PEAK1: variants seen among roughly 807,000 people sequenced by gnomAD.
PEAK1 encodes inactive tyrosine-protein kinase PEAK1.
Under a neutral mutation model 124.7 loss-of-function variants are expected in PEAK1, and 54 were observed. That is an observed-to-expected ratio of 0.43 (90% CI 0.35 to 0.54). PEAK1 has a LOEUF of 0.54. PEAK1 is among the 20% of genes least tolerant of loss of function. The pLI is 0.01. For synonymous variants in PEAK1, 719 were observed against 760.0 expected, an observed-to-expected ratio of 0.95 and a Z score of 0.89; for missense variants, 2,046 against 2,134.5, an observed-to-expected ratio of 0.96 and a Z score of 0.82.
At chr15:77,369,234 A>G (rs1193623661) in intron 1 of PEAK1, among the ~76,000 whole-genome samples, 1 of 152,216 alleles carries the variant, frequency 6.6e-6, no homozygotes, top group African/African-American at 2.4e-5. Context: ...AGATGGATAG[A>G]CTCAGACACC....
At chr15:77,202,946 A>T (rs35598964) in intron 6 of PEAK1, among the ~76,000 whole-genome samples, 6 of 150,466 alleles carry the variant, frequency 4.0e-5, no homozygotes, top group Admixed American at 4.0e-4. Flanking sequence ...CTGAGGTGGG[A>T]GGATGGCTTA....
intron 6 of PEAK1, among the ~76,000 whole-genome samples, chr15:77,236,875 G>A (rs2060149179): frequency 1.3e-5 from 2 of 152,022 alleles, no homozygotes; most frequent in African/African-American, 4.8e-5. Flanking sequence ...TTTATAAGGG[G>A]GTCTTCTCCT....
At chr15:77,383,755 G>A (rs993871703) in intron 1 of PEAK1, among the ~76,000 whole-genome samples, 3 of 152,194 alleles carry the variant, frequency 2.0e-5, no homozygotes, top group African/African-American at 7.2e-5. Context: ...AAATACTCAT[G>A]TGGGTCTTGC....
At chr15:77,391,616 A>G (rs1296123732) in intron 1 of PEAK1, among the ~76,000 whole-genome samples, 3 of 152,138 alleles carry the variant, frequency 2.0e-5, no homozygotes, top group Non-Finnish European at 4.4e-5. Flanking sequence ...TCAGGCTAAG[A>G]TAACAGTACC....
chr15:77,355,140 A>G (rs2067440880), intron 2 of PEAK1, among the ~76,000 whole-genome samples: 1 of 152,184 alleles, frequency 6.6e-6, no homozygotes. Flanking sequence ...CACACTACCT[A>G]GAAAGAAAGA....
intron 6 of PEAK1, among the ~76,000 whole-genome samples, chr15:77,242,578 A>G (rs995696782): frequency 1.3e-5 from 2 of 152,188 alleles, no homozygotes; most frequent in African/African-American, 4.8e-5. Context: ...ATGAAAGGAT[A>G]AAGTATTAGA....
In PEAK1 at chr15:77,141,899, G is replaced by A. The variant is rs575468127; in HGVS notation, c.3332-8149C>T. 2.0e-4 allele frequency among the ~76,000 whole-genome samples: 30 copies of A among 152,058 alleles called. No homozygotes were observed. In the South Asian group the frequency reaches 5.0e-3, roughly 25 times the overall value. ...AAAACTAAAAACTCTTAGAAAAAAC[G>A]TAGGAATAAATCTTTGCAACCTTGG... On this transcript the variant is annotated intron_variant, in intron 8 of 9. Coordinates refer to ENST00000682557, the MANE Select transcript of PEAK1 (RefSeq NM_001385026.1).
At position 77,303,124 on chromosome 15, in the gene PEAK1, C is replaced by T. The variant is rs932639734; in HGVS notation, c.-602-16620G>A. On this transcript the variant is annotated intron_variant, in intron 2 of 9. Coordinates refer to ENST00000682557, the MANE Select transcript of PEAK1 (RefSeq NM_001385026.1). ...CTCTTTTTAGTACTGATTAATATTT[C>T]GCTATATGAATGTACCACAGTTTAT... 5.3e-5 allele frequency among the ~76,000 whole-genome samples: 8 copies of T among 152,242 alleles called. No individual in the cohort carries two copies. The South Asian group carries it at 6.2e-4, about 12-fold the overall frequency.
At chr15:77,156,451 G>A (rs995599568) in intron 8 of PEAK1, 7 of 153,640 alleles carry the variant, frequency 4.6e-5, no homozygotes, top group African/African-American at 7.2e-5. Context: ...TGCGCTTCCC[G>A]AGTGAGGTAG....
chr15:77,332,852 T>C (rs2141255107), intron 2 of PEAK1, among the ~76,000 whole-genome samples: 1 of 145,514 alleles, frequency 6.9e-6, no homozygotes, highest in East Asian at 1.9e-4. Flanking sequence ...GGCACTTCAT[T>C]TTTTTTAATG....
At chr15:77,263,305 T>C (rs2061539371) in intron 5 of PEAK1, among the ~76,000 whole-genome samples, 1 of 152,028 alleles carries the variant, frequency 6.6e-6, no homozygotes, top group African/African-American at 2.4e-5. Flanking sequence ...AAAAAATCAA[T>C]GAATCCAGGA....
intron 6 of PEAK1, among the ~76,000 whole-genome samples, chr15:77,242,896 C>T (rs570604705): frequency 1.6e-4 from 24 of 152,248 alleles, no homozygotes; most frequent in Admixed American, 8.5e-4. Flanking sequence ...AGAAACACTG[C>T]CTATTGTGCC....
chr15:77,336,369 G>A (rs898308284), intron 2 of PEAK1: 7 of 985,284 alleles, frequency 7.1e-6, no homozygotes, highest in African/African-American at 7.0e-5. Context: ...TTATAGAGAC[G>A]TTTACTAGGA....
intron 9 of PEAK1, 128 bp downstream of exon 9, chr15:77,132,877 A>G: frequency 1.2e-6 from 1 of 855,956 alleles, no homozygotes; most frequent in Non-Finnish European, 1.8e-6. Flanking sequence ...AGTATCTGGT[A>G]AGAGGTAGAT....
intron 1 of PEAK1, among the ~76,000 whole-genome samples, chr15:77,371,915 A>G (rs1442659299): frequency 6.6e-6 from 1 of 152,210 alleles, no homozygotes. Context: ...AACAAAACAG[A>G]AAACAGTCAC....
rs1050811854 is a variant in PEAK1 at position 77,395,042 on chromosome 15, G to T, written c.-666+24964C>A. On this transcript the variant is annotated intron_variant, in intron 1 of 9. Coordinates refer to ENST00000682557, the MANE Select transcript of PEAK1 (RefSeq NM_001385026.1). ...ACAAACTAAAATTGCTATTTTTGAG[G>T]AAATGCAATAAAAATCAAGATAAAA... 1.3e-5 allele frequency among the ~76,000 whole-genome samples: 2 copies of T among 152,172 alleles called. 1 individual carries two copies. The highest frequency in any genetic ancestry group is 4.1e-4 in the South Asian group (2 of 4,822).
intron 2 of PEAK1, chr15:77,348,184 G>GA (rs371641400): frequency 0.16 from 123,055 of 773,762 alleles, 72 homozygotes; most frequent in Non-Finnish European, 0.17. Flanking sequence ...CACATGCTAA[G>GA]AAAAAAAAAA....
chr15:77,385,439 C>T (rs2069847006), intron 1 of PEAK1, among the ~76,000 whole-genome samples: 1 of 152,158 alleles, frequency 6.6e-6, no homozygotes, highest in Non-Finnish European at 1.5e-5. Context: ...TGTCAGATAG[C>T]TAAATATTAA....
chr15:77,371,458 C>A (rs1317727134), intron 1 of PEAK1: 1 of 983,400 alleles, frequency 1.0e-6, no homozygotes, highest in Admixed American at 6.2e-5. Context: ...ATAATCTATT[C>A]ACATGTAACT....
Sources: allele counts gnomAD v4.1 joint callset (sites outside exome capture counted in the v4.1 genomes callset), GRCh38; gene constraint gnomAD v4.1.1; transcripts MANE v1.5; gene names NCBI Gene and HGNC (gene_info 2026-07-23, HGNC 2026-07-21).